Variants in P2RY12 observed in about 807,000 individuals in gnomAD.
The protein encoded by P2RY12 is purinergic receptor P2Y12, also known as P2Y purinoceptor 12.
A neutral mutation model predicts 4.5 loss-of-function variants in P2RY12; 3 were observed. The ratio of observed to expected loss-of-function variants is 0.67; its 90% CI spans 0.31 to 1.74. The LOEUF (loss-of-function observed/expected upper bound fraction) is 1.74, where lower values mean the gene tolerates loss of function less well. Ranked by LOEUF, P2RY12 falls within the 40% of genes most tolerant of loss-of-function variation. P2RY12 has a pLI of 0.09. For missense variants in P2RY12, 356 were observed against 407.8 expected (o/e 0.87, Z 1.09); for synonymous variants, 148 against 154.1 (o/e 0.96, Z 0.29).
intron 1 of P2RY12, among the ~76,000 whole-genome samples, chr3:151,365,397 C>G (rs1755153951): frequency 6.6e-6 from 1 of 152,068 alleles, no homozygotes; most frequent in Admixed American, 6.6e-5. Context: ...ACAGTGCTTT[C>G]TTATTTATTA....
intron 2 of P2RY12, 40 bp from the exon 3 acceptor site, chr3:151,338,899 G>T (rs2149937650): frequency 1.9e-6 from 3 of 1,575,176 alleles, no homozygotes; most frequent in Middle Eastern, 1.7e-4. Flanking sequence ...TCAGCCTAAG[G>T]TAGTTATTAT....
At chr3:151,369,382 C>T (rs1755902583) in intron 1 of P2RY12, 1 of 1,256,232 alleles carries the variant, frequency 8.0e-7, no homozygotes, top group East Asian at 2.4e-5. Flanking sequence ...TAAATAATTA[C>T]AAAACATTAC....
At chr3:151,381,991 A>G (rs1250092093) in intron 1 of P2RY12, among the ~76,000 whole-genome samples, 1 of 152,030 alleles carries the variant, frequency 6.6e-6, no homozygotes, top group Non-Finnish European at 1.5e-5. Flanking sequence ...TTTGTTTTGA[A>G]TTGCACTTTT....
intron 1 of P2RY12, among the ~76,000 whole-genome samples, chr3:151,343,689 T>C (rs1007770447): frequency 6.6e-6 from 1 of 152,198 alleles, no homozygotes; most frequent in East Asian, 1.9e-4. Context: ...TTGGTTGGTT[T>C]GGTTATTTTG....
chr3:151,360,042 G>A (rs1754418615), intron 1 of P2RY12, among the ~76,000 whole-genome samples: 1 of 152,150 alleles, frequency 6.6e-6, no homozygotes, highest in Admixed American at 6.6e-5. Context: ...ACTTGAAAAT[G>A]GGTTTTCCAG....
chr3:151,362,992 A>G (rs1215996783), intron 1 of P2RY12, among the ~76,000 whole-genome samples: 1 of 152,066 alleles, frequency 6.6e-6, no homozygotes. Context: ...CGTTTTTTTA[A>G]TAGTGAACTT....
At chr3:151,353,970 T>C (rs1753577079) in intron 1 of P2RY12, among the ~76,000 whole-genome samples, 2 of 149,170 alleles carry the variant, frequency 1.3e-5, no homozygotes, top group Non-Finnish European at 3.0e-5. Flanking sequence ...TGAAACCCCG[T>C]CTCTACTAAA....
intron 1 of P2RY12, among the ~76,000 whole-genome samples, chr3:151,343,879 A>G (rs1049289396): frequency 6.6e-6 from 1 of 152,164 alleles, no homozygotes; most frequent in Non-Finnish European, 1.5e-5. Flanking sequence ...AGATATAATT[A>G]TGACATTTGA....
At chr3:151,350,215 C>T (rs913977256) in intron 1 of P2RY12, 1 of 1,612,102 alleles carries the variant, frequency 6.2e-7, no homozygotes, top group Non-Finnish European at 8.5e-7. Flanking sequence ...GGGTAAAGAA[C>T]CTTAATGCAT....
chr3:151,377,220 C>T, intron 1 of P2RY12: 2 of 1,532,354 alleles, frequency 1.3e-6, no homozygotes, highest in East Asian at 4.5e-5. Flanking sequence ...ATGAATTTTT[C>T]ACAAGTAACG....
In P2RY12 at chr3:151,382,183, TTC is replaced by T. The variant is rs377056097; in HGVS notation, c.-180+2507_-180+2508del. ...GCCATATTTTTCAAAGTACCGTGCG[TTC>T]TCTTTATCAAGGAAGACACATACAT... On this transcript the variant is annotated intron_variant, in intron 1 of 2. Transcript: ENST00000302632. Among the ~76,000 whole-genome samples the T allele has an allele frequency of 2.2e-3, 337 of 152,224 alleles. 1 individual carries two copies. Among genetic ancestry groups the T allele is most frequent in the African/African-American group, 7.6e-3 (314 of 41,548 alleles).
chr3:151,357,605 C>T (rs1197870185), intron 1 of P2RY12, among the ~76,000 whole-genome samples: 2 of 152,098 alleles, frequency 1.3e-5, no homozygotes, highest in Non-Finnish European at 2.9e-5. Context: ...CCTTTCTTCC[C>T]TCTCCCTGGT....
chr3:151,339,487 A>T (rs984368129), intron 2 of P2RY12, among the ~76,000 whole-genome samples: 4 of 151,510 alleles, frequency 2.6e-5, no homozygotes. Flanking sequence ...TCCTGCCTCT[A>T]TATTGCTCAC....
At chr3:151,353,619 A>G (rs1024029242) in intron 1 of P2RY12, among the ~76,000 whole-genome samples, 1 of 152,216 alleles carries the variant, frequency 6.6e-6, no homozygotes, top group African/African-American at 2.4e-5. Context: ...TGTAACCACT[A>G]ATTGCTTATT....
intron 1 of P2RY12, among the ~76,000 whole-genome samples, chr3:151,359,963 G>A (rs1013006607): frequency 8.5e-5 from 13 of 152,114 alleles, no homozygotes; most frequent in Non-Finnish European, 1.8e-4. Context: ...TTTATTACTA[G>A]TTGGTATACA....
Position 151,345,534 on chromosome 3 carries a change from T to C in P2RY12, c.-179-4774A>G, listed in dbSNP as rs1334536051. Among the ~76,000 whole-genome samples, 37 of 148,376 alleles carry C rather than the reference T, an allele frequency of 2.5e-4. No individual in the cohort carries two copies. In the East Asian group the frequency reaches 5.7e-3, roughly 23 times the overall value. Reference sequence around the variant, plus strand: ...TTCTTTTTCTTTTTTTTTTTTTTTTTGAGACCAAGTTTTGCTCTTGTCACC... The same window carrying C: ...TTCTTTTTCTTTTTTTTTTTTTTTTCGAGACCAAGTTTTGCTCTTGTCACC... On this transcript the variant is annotated intron_variant, in intron 1 of 2. Transcript: ENST00000302632.
intron 1 of P2RY12, among the ~76,000 whole-genome samples, chr3:151,362,470 C>T (rs1045048021): frequency 6.6e-6 from 1 of 152,058 alleles, no homozygotes; most frequent in Non-Finnish European, 1.5e-5. Flanking sequence ...TACTTGTCCT[C>T]AGTTACTTGT....
At chr3:151,383,695 CA>C in intron 1 of P2RY12, 1 of 818,696 alleles carries the variant, frequency 1.2e-6, no homozygotes, top group Non-Finnish European at 1.9e-6. Flanking sequence ...AAATAAAAAA[CA>C]ATCAAAATTT....
chr3:151,358,916 T>C (rs937601810), intron 1 of P2RY12, among the ~76,000 whole-genome samples: 5 of 152,202 alleles, frequency 3.3e-5, no homozygotes, highest in Admixed American at 1.3e-4. Flanking sequence ...TTTTTCGCTT[T>C]ATAGATAATA....
Sources: allele counts gnomAD v4.1 joint callset (sites outside exome capture counted in the v4.1 genomes callset), GRCh38; gene constraint gnomAD v4.1.1; transcripts MANE v1.5; gene names NCBI Gene and HGNC (gene_info 2026-07-23, HGNC 2026-07-21).